The following TRIM14 variants were observed in gnomAD, a reference collection of about 807,000 sequenced individuals.
The protein encoded by TRIM14 is tripartite motif-containing protein 14.
TRIM14 carries 28 observed loss-of-function variants against 44.5 expected under a neutral mutation model. That is an observed-to-expected ratio of 0.63 (90% CI 0.47 to 0.86). The LOEUF is 0.86. Among genes scored for constraint, TRIM14 ranks in the 40% least tolerant of loss-of-function variants. The pLI is 0.00. For missense variants in TRIM14, 607 were observed against 611.1 expected, an observed-to-expected ratio of 0.99 and a Z score of 0.07; for synonymous variants, 299 against 269.2, an observed-to-expected ratio of 1.11 and a Z score of -1.08.
chr9:98,042,868 CAA>C, the TRIM14 span, among the ~76,000 whole-genome samples: 42 of 112,230 alleles, frequency 3.7e-4, no homozygotes, highest in Admixed American at 2.8e-4. Flanking sequence ...GACTCTACCT[CAA>C]AAAAAAAAAA....
At chr9:98,068,121 T>A (rs1829203671), downstream of TRIM14, among the ~76,000 whole-genome samples, 1 of 152,132 alleles carries the variant, frequency 6.6e-6, no homozygotes, top group Non-Finnish European at 1.5e-5. Flanking sequence ...TCTATTTATA[T>A]GTTTAAAAAT....
At chr9:98,044,635 G>C in the TRIM14 span, among the ~76,000 whole-genome samples, 2 of 152,006 alleles carry the variant, frequency 1.3e-5, no homozygotes, top group Admixed American at 1.3e-4. Context: ...GCTTCCCAAA[G>C]TGCTGGGATT....
chr9:98,064,298 A>C (rs142712046), downstream of TRIM14, among the ~76,000 whole-genome samples: 1 of 152,038 alleles, frequency 6.6e-6, no homozygotes, highest in East Asian at 1.9e-4. Flanking sequence ...CTGTTGCTCA[A>C]GCTGGAGTGC....
chr9:98,047,136 GGTTTCCCCCATACT>G, the TRIM14 span, among the ~76,000 whole-genome samples: 2 of 152,058 alleles, frequency 1.3e-5, no homozygotes, highest in Non-Finnish European at 2.9e-5. Context: ...TCATGGTGGC[GGTTTCCCCCATACT>G]GTTCTCATGG....
At chr9:98,052,326 A>G in the TRIM14 span, among the ~76,000 whole-genome samples, 1 of 150,778 alleles carries the variant, frequency 6.6e-6, no homozygotes, top group South Asian at 2.1e-4. Context: ...GGAGAAAAAC[A>G]ATTCAGTTGA....
At chr9:98,068,631 A>G (rs1038115456), downstream of TRIM14, among the ~76,000 whole-genome samples, 4 of 150,642 alleles carry the variant, frequency 2.7e-5, no homozygotes, top group Non-Finnish European at 5.9e-5. Context: ...CTGGGCAACA[A>G]TAGCAAGACC....
chr9:98,047,612 GT>G, the TRIM14 span, among the ~76,000 whole-genome samples: 1 of 152,102 alleles, frequency 6.6e-6, no homozygotes, highest in African/African-American at 2.4e-5. Flanking sequence ...ATATTTTTGA[GT>G]TTTGGGGGTA....
intron 2 of TRIM14, among the ~76,000 whole-genome samples, chr9:98,103,224 C>T (rs914561679): frequency 9.3e-5 from 14 of 151,142 alleles, no homozygotes; most frequent in African/African-American, 3.4e-4. Context: ...TGCAGTAGAC[C>T]TATATGTCCT....
At chr9:98,065,364 G>GT (rs1279011365), downstream of TRIM14, among the ~76,000 whole-genome samples, 18 of 143,840 alleles carry the variant, frequency 1.3e-4, 1 homozygote, top group African/African-American at 4.5e-4. Flanking sequence ...CCAGGCTGGA[G>GT]TGCAATCAAT....
intron 6 of TRIM14, among the ~76,000 whole-genome samples, chr9:98,072,523 G>A (rs987367532): frequency 6.6e-6 from 1 of 151,342 alleles, no homozygotes; most frequent in Admixed American, 6.6e-5. Context: ...GCAGTTCTCT[G>A]CCTCAGCCTC....
chr9:98,106,024 A>T (rs1323420751), intron 2 of TRIM14, among the ~76,000 whole-genome samples: 1 of 152,216 alleles, frequency 6.6e-6, no homozygotes, highest in African/African-American at 2.4e-5. Flanking sequence ...AATAATATGA[A>T]AATGAGTCTG....
chr9:98,093,319 A>G (rs1358817623), intron 4 of TRIM14, among the ~76,000 whole-genome samples: 4 of 152,036 alleles, frequency 2.6e-5, no homozygotes, highest in African/African-American at 7.3e-5. Context: ...CCTCCCCCAG[A>G]CGTAACAGCA....
At chr9:98,050,404 T>C in the TRIM14 span, among the ~76,000 whole-genome samples, 1 of 152,188 alleles carries the variant, frequency 6.6e-6, no homozygotes, top group African/African-American at 2.4e-5. Flanking sequence ...CAGTGAGTTT[T>C]GCAAGGTGGG....
the TRIM14 span, among the ~76,000 whole-genome samples, chr9:98,046,667 C>T: frequency 6.6e-6 from 1 of 152,070 alleles, no homozygotes; most frequent in Non-Finnish European, 1.5e-5. Context: ...TCTTGAACTC[C>T]TGACCTTGTG....
chr9:98,048,334 TCCTCAC>T, the TRIM14 span, among the ~76,000 whole-genome samples: 3 of 152,172 alleles, frequency 2.0e-5, no homozygotes, highest in Non-Finnish European at 2.9e-5. Flanking sequence ...GAAACTGCTT[TCCTCAC>T]CCTGTTCTAC....
chr9:98,071,141 GA>G (rs1452404185), intron 6 of TRIM14, among the ~76,000 whole-genome samples: 1 of 152,210 alleles, frequency 6.6e-6, no homozygotes, highest in Non-Finnish European at 1.5e-5. Context: ...ATTTGAAGAT[GA>G]AAACATTTGG....
chr9:98,067,786 A>C (rs146082928), downstream of TRIM14, among the ~76,000 whole-genome samples: 2 of 151,482 alleles, frequency 1.3e-5, no homozygotes, highest in East Asian at 3.9e-4. Flanking sequence ...GAGTGGTGCA[A>C]TATCGGCTCA....
chr9:98,052,248 G>A, the TRIM14 span, among the ~76,000 whole-genome samples: 1 of 151,948 alleles, frequency 6.6e-6, no homozygotes, highest in Admixed American at 6.6e-5. Flanking sequence ...TTCCCCAGGA[G>A]TCCCAGGCTG....
the TRIM14 span, among the ~76,000 whole-genome samples, chr9:98,050,414 G>GA: frequency 6.6e-6 from 1 of 152,120 alleles, no homozygotes; most frequent in Admixed American, 6.5e-5. Flanking sequence ...TGCAAGGTGG[G>GA]AACAAGGACT....
Sources: allele counts gnomAD v4.1 joint callset (sites outside exome capture counted in the v4.1 genomes callset), GRCh38; gene constraint gnomAD v4.1.1; transcripts MANE v1.5; gene names NCBI Gene and HGNC (gene_info 2026-07-23, HGNC 2026-07-21).